The following PRKCA variants were observed in gnomAD, a reference collection of about 807,000 sequenced individuals.
PRKCA encodes the protein protein kinase C alpha.
A neutral mutation model predicts 87.0 loss-of-function variants in PRKCA; 27 were observed. That is an observed-to-expected ratio of 0.31 (90% CI 0.23 to 0.43). PRKCA has a LOEUF of 0.43. Among genes scored for constraint, PRKCA ranks in the 20% least tolerant of loss-of-function variants. PRKCA has a pLI of 1.00. For missense variants in PRKCA, 518 were observed against 852.3 expected (o/e 0.61, Z 4.88); for synonymous variants, 329 against 311.1 (o/e 1.06, Z -0.61).
intron 2 of PRKCA, among the ~76,000 whole-genome samples, chr17:66,311,927 C>T (rs529535178): frequency 8.5e-5 from 13 of 152,166 alleles, no homozygotes; most frequent in East Asian, 1.9e-4. Flanking sequence ...TCGTGAAAGC[C>T]GAATAAATGT....
intron 3 of PRKCA, among the ~76,000 whole-genome samples, chr17:66,548,507 C>G (rs1428793803): frequency 1.3e-5 from 2 of 152,216 alleles, no homozygotes; most frequent in Non-Finnish European, 2.9e-5. Context: ...GTGTACCACA[C>G]AGGTATTTCT....
intron 3 of PRKCA, among the ~76,000 whole-genome samples, chr17:66,526,501 A>G (rs944077827): frequency 4.6e-5 from 7 of 152,114 alleles, no homozygotes; most frequent in Admixed American, 6.5e-5. Flanking sequence ...CTCTTCTCCA[A>G]TTCTGACCTG....
Position 66,306,138 on chromosome 17 carries a change from A to G in PRKCA, c.205+11A>G, listed in dbSNP as rs755275408. On this transcript the variant is annotated intron_variant, in intron 2 of 16. Coordinates refer to ENST00000413366, the MANE Select transcript of PRKCA (RefSeq NM_002737.3). The stretch of plus-strand genomic sequence containing the variant: ...GCTTCCAGTGCCAAGGTAAGCTACC[A>G]CTTTTGGTTTTATTTTCAAGCACAA... The G allele has an allele frequency of 5.6e-5, 91 of 1,610,658 alleles. No homozygotes were observed. The highest frequency in any genetic ancestry group is 7.6e-5 in the Non-Finnish European group (90 of 1,178,610).
intron 2 of PRKCA, among the ~76,000 whole-genome samples, chr17:66,340,873 C>T (rs1334948477): frequency 6.6e-6 from 1 of 151,900 alleles, no homozygotes; most frequent in Admixed American, 6.6e-5. Flanking sequence ...TCCTGTGGGC[C>T]CAAGGAGGAA....
intron 3 of PRKCA, among the ~76,000 whole-genome samples, chr17:66,558,364 G>A (rs757645207): frequency 6.6e-6 from 1 of 151,786 alleles, no homozygotes; most frequent in Non-Finnish European, 1.5e-5. Context: ...AAAACAAGGA[G>A]TACTGGTAAG....
intron 8 of PRKCA, among the ~76,000 whole-genome samples, chr17:66,717,563 C>T (rs1043283037): frequency 1.3e-5 from 2 of 152,198 alleles, no homozygotes; most frequent in African/African-American, 4.8e-5. Context: ...ATTCTAAAAG[C>T]TCTGTCATCC....
chr17:66,495,203 AT>A lies in PRKCA; in HGVS notation c.206-995del, dbSNP rs1385504670. On this transcript the variant is annotated intron_variant, in intron 2 of 16. Transcript: ENST00000413366. ...CAAAACCATGTTAAGCTTTGAAAATATTTACTGGGTAGTAGATTTTGCTGAA... is the reference window on the plus strand; with the variant it reads ...CAAAACCATGTTAAGCTTTGAAAATATTACTGGGTAGTAGATTTTGCTGAA... 4.6e-5 allele frequency among the ~76,000 whole-genome samples: 7 copies of A among 152,204 alleles called. No homozygotes were observed. In the East Asian group the frequency reaches 1.4e-3, roughly 29 times the overall value.
chr17:66,735,920 C>CTTTT (rs5821508), intron 10 of PRKCA, among the ~76,000 whole-genome samples: 86 of 122,066 alleles, frequency 7.0e-4, no homozygotes, highest in Non-Finnish European at 1.0e-3. Flanking sequence ...TTCTTTCTTT[C>CTTTT]TTTTTTTTTT....
chr17:66,733,824 T>C (rs780532654), intron 9 of PRKCA, among the ~76,000 whole-genome samples: 1 of 152,134 alleles, frequency 6.6e-6, no homozygotes, highest in South Asian at 2.1e-4. Context: ...AAGGTGGAAG[T>C]TGGCTCTTTA....
rs997083386 is a variant in PRKCA at position 66,792,601 on chromosome 17, C to G, written c.1854+3622C>G. Among the ~76,000 whole-genome samples the G allele has an allele frequency of 5.9e-5, 9 of 152,242 alleles. No individual in the cohort carries two copies. Among genetic ancestry groups the G allele is most frequent in the African/African-American group, 1.9e-4 (8 of 41,460 alleles). ...CGATCCCAGCGCAAAAAGCATCTCA[C>G]AATGCCGTGATCCATCAGGAGGTTA... On this transcript the variant is annotated intron_variant, in intron 16 of 16. Coordinates refer to ENST00000413366, the MANE Select transcript of PRKCA (RefSeq NM_002737.3). This position sits in a 1 kb window ranked among gnomAD's most constrained non-coding sequence, Gnocchi z 4.5.
chr17:66,726,070 C>T (rs117396877), intron 8 of PRKCA, among the ~76,000 whole-genome samples: 2,997 of 150,754 alleles, frequency 0.02, 49 homozygotes, highest in Non-Finnish European at 0.025. Context: ...ACTCGGGCAC[C>T]TCGGGCTCCC....
intron 2 of PRKCA, among the ~76,000 whole-genome samples, chr17:66,454,524 G>A (rs1010196976): frequency 6.6e-6 from 1 of 152,142 alleles, no homozygotes; most frequent in Non-Finnish European, 1.5e-5. Flanking sequence ...CCGAAACTGG[G>A]CAATTTACAA....
intron 2 of PRKCA, among the ~76,000 whole-genome samples, chr17:66,343,995 C>G (rs1232552134): frequency 6.6e-6 from 1 of 152,008 alleles, no homozygotes; most frequent in Non-Finnish European, 1.5e-5. Context: ...AAAAAATTGT[C>G]AGCAGCATTT....
At chr17:66,564,159 G>A (rs951718210) in intron 3 of PRKCA, among the ~76,000 whole-genome samples, 38 of 151,798 alleles carry the variant, frequency 2.5e-4, no homozygotes, top group Admixed American at 8.6e-4. Context: ...GCTCTGTGCA[G>A]GCTCTGCCTC....
At chr17:66,386,836 A>G (rs546674132) in intron 2 of PRKCA, among the ~76,000 whole-genome samples, 2 of 152,162 alleles carry the variant, frequency 1.3e-5, no homozygotes, top group African/African-American at 4.8e-5. Context: ...AAGCAAGAAC[A>G]TTCCTTCATT....
intron 3 of PRKCA, among the ~76,000 whole-genome samples, chr17:66,541,710 A>G (rs951094062): frequency 2.0e-5 from 3 of 152,238 alleles, no homozygotes; most frequent in Non-Finnish European, 2.9e-5. Context: ...GCGACAGGTT[A>G]TGCCAAAAAT....
intron 3 of PRKCA, among the ~76,000 whole-genome samples, chr17:66,527,747 C>G (rs1402195116): frequency 6.6e-6 from 1 of 152,166 alleles, no homozygotes; most frequent in Non-Finnish European, 1.5e-5. Context: ...ATTACAAAGA[C>G]ATTTTAAAAG....
intron 5 of PRKCA, among the ~76,000 whole-genome samples, chr17:66,686,677 G>A (rs1233232553): frequency 6.6e-6 from 1 of 152,154 alleles, no homozygotes; most frequent in African/African-American, 2.4e-5. Flanking sequence ...TGGGAGCTCA[G>A]GTGCGTGTGT....
rs117787121 is a variant in PRKCA, at chr17:66,585,795, T to G, written c.289-55560T>G. Among the ~76,000 whole-genome samples, 91 of 152,310 alleles carry G rather than the reference T, an allele frequency of 6.0e-4. 1 individual carries two copies. In the East Asian group the frequency reaches 0.015, roughly 25 times the overall value. On this transcript the variant is annotated intron_variant, in intron 3 of 16. Transcript: ENST00000413366. ...GCCTTGGTTCCTGTCTTGTGTAAAG[T>G]GAAGGTGACGGTGTCTACCCCTCTG...
Sources: gnomAD v4.1 joint callset for allele counts (sites outside exome capture counted in the v4.1 genomes callset) on GRCh38, gnomAD v4.1.1 for gene constraint, Gnocchi (gnomAD v3.1) non-coding constraint, MANE v1.5 for transcripts, NCBI Gene and HGNC (gene_info 2026-07-23, HGNC 2026-07-21) for gene names.